LAMA2: variants seen among roughly 807,000 people sequenced by gnomAD.
LAMA2 encodes the protein laminin subunit alpha 2.
A neutral mutation model predicts 364.8 loss-of-function variants in LAMA2; 269 were observed. That is an observed-to-expected ratio of 0.74 (90% CI 0.67 to 0.82). The LOEUF (loss-of-function observed/expected upper bound fraction) is 0.82, where lower values mean the gene tolerates loss of function less well. Among genes scored for constraint, LAMA2 ranks in the 40% least tolerant of loss-of-function variants. The pLI is 0.00. For missense variants in LAMA2, 3,807 were observed against 3,873.2 expected, an observed-to-expected ratio of 0.98 and a Z score of 0.45; for synonymous variants, 1,379 against 1,370.6, an observed-to-expected ratio of 1.01 and a Z score of -0.14.
chr6:129,257,298 A>G (rs1786763328), intron 14 of LAMA2, among the ~76,000 whole-genome samples: 1 of 152,112 alleles, frequency 6.6e-6, no homozygotes, highest in African/African-American at 2.4e-5. Context: ...GCAGAACCTA[A>G]TGAACATTGG....
chr6:129,043,428 T>G (rs1370363525), intron 1 of LAMA2, among the ~76,000 whole-genome samples: 1 of 152,166 alleles, frequency 6.6e-6, no homozygotes, highest in Non-Finnish European at 1.5e-5. Context: ...TCACATGTAG[T>G]GGATTTTTTT....
At chr6:129,333,084 GT>G (rs1200588142) in intron 29 of LAMA2, among the ~76,000 whole-genome samples, 2 of 151,762 alleles carry the variant, frequency 1.3e-5, no homozygotes, top group Non-Finnish European at 2.9e-5. Context: ...TAGAGATGGG[GT>G]TTCACCATTT....
chr6:129,063,376 CTT>C (rs1293039871), intron 3 of LAMA2, among the ~76,000 whole-genome samples: 1 of 152,100 alleles, frequency 6.6e-6, no homozygotes, highest in Non-Finnish European at 1.5e-5. Context: ...CTATTTTAGT[CTT>C]TTTCCTACCA....
At chr6:129,478,415 C>CAGTT (rs1181175694) in intron 53 of LAMA2, among the ~76,000 whole-genome samples, 1 of 152,098 alleles carries the variant, frequency 6.6e-6, no homozygotes, top group Non-Finnish European at 1.5e-5. Context: ...AATAAGAAGT[C>CAGTT]AGTTAATTCC....
Position 129,253,695 on chromosome 6 carries a change from G to A in LAMA2, c.2096+1400G>A, listed in dbSNP as rs1444758166. ...ACCAAATTGACAAAAAAAGTGTCTG[G>A]GGGGCTTATATATTTTTGTCAGCAT... On this transcript the variant is annotated intron_variant, in intron 14 of 64. Transcript: ENST00000421865. 2.6e-5 allele frequency among the ~76,000 whole-genome samples: 4 copies of A among 152,156 alleles called. No homozygotes were observed. The East Asian group carries it at 7.7e-4, about 29-fold the overall frequency.
chr6:128,963,351 A>G (rs1004365105), intron 1 of LAMA2, among the ~76,000 whole-genome samples: 2 of 152,288 alleles, frequency 1.3e-5, no homozygotes. Context: ...GTGAAAATGT[A>G]TGTAGAAAAT....
At chr6:129,156,466 T>C (rs1033122411) in intron 8 of LAMA2, among the ~76,000 whole-genome samples, 2 of 152,004 alleles carry the variant, frequency 1.3e-5, no homozygotes, top group Non-Finnish European at 2.9e-5. Flanking sequence ...AATTATTTAA[T>C]GTAATTGTTA....
intron 40 of LAMA2, among the ~76,000 whole-genome samples, chr6:129,417,869 G>T (rs2114723813): frequency 6.6e-6 from 1 of 152,316 alleles, no homozygotes; most frequent in South Asian, 2.1e-4. Flanking sequence ...CAGCCTGGGT[G>T]CCGGGAACAG....
intron 3 of LAMA2, among the ~76,000 whole-genome samples, chr6:129,068,809 C>T (rs1442541703): frequency 6.6e-6 from 1 of 152,124 alleles, no homozygotes; most frequent in Admixed American, 6.6e-5. Context: ...TTTAACTCTT[C>T]TTTTGTAACA....
intron 1 of LAMA2, among the ~76,000 whole-genome samples, chr6:128,954,436 T>A (rs1252484371): frequency 2.0e-5 from 3 of 152,040 alleles, no homozygotes; most frequent in African/African-American, 7.2e-5. Context: ...ATTCTTTGTG[T>A]CTTAGGAAAA....
chr6:129,169,074 G>A (rs1211520332), intron 9 of LAMA2, among the ~76,000 whole-genome samples: 3 of 152,166 alleles, frequency 2.0e-5, no homozygotes, highest in East Asian at 3.9e-4. Context: ...GAGACAATGG[G>A]GTTTTCTAGA....
intron 1 of LAMA2, among the ~76,000 whole-genome samples, chr6:128,889,102 A>C (rs1202174278): frequency 6.6e-6 from 1 of 152,208 alleles, no homozygotes; most frequent in Non-Finnish European, 1.5e-5. Context: ...ATTTGTGTGC[A>C]GGGAACTTCC....
intron 15 of LAMA2, 59 bp downstream of exon 15, chr6:129,260,881 T>A (rs895437803): frequency 5.2e-6 from 5 of 966,254 alleles, no homozygotes; most frequent in African/African-American, 3.2e-5. Context: ...TTGCTTTCAA[T>A]AACCTATTCT....
chr6:129,223,297 G>A (rs1317166248), intron 12 of LAMA2, among the ~76,000 whole-genome samples: 2 of 152,054 alleles, frequency 1.3e-5, no homozygotes, highest in African/African-American at 4.8e-5. Context: ...TAGGTTGCCT[G>A]TTCACTCTGA....
intron 12 of LAMA2, among the ~76,000 whole-genome samples, chr6:129,209,106 T>C (rs1000039750): frequency 2.0e-5 from 3 of 152,204 alleles, no homozygotes; most frequent in Non-Finnish European, 4.4e-5. Context: ...AGCTCGTTTT[T>C]ACTCATACTG....
At chr6:129,396,297 C>T (rs12662729) in intron 37 of LAMA2, among the ~76,000 whole-genome samples, 31,711 of 152,034 alleles carry the variant, frequency 0.21, 3,322 homozygotes, top group South Asian at 0.28. Context: ...TCAGACATGT[C>T]AACCTTTCAC....
At chr6:128,971,661 A>G (rs1782195331) in intron 1 of LAMA2, among the ~76,000 whole-genome samples, 1 of 152,202 alleles carries the variant, frequency 6.6e-6, no homozygotes, top group African/African-American at 2.4e-5. Context: ...TATCTATGAG[A>G]TGGTAAGAAA....
rs760541670 is a variant in LAMA2 at position 129,328,300 on chromosome 6, G to A, written c.4199G>A (p.Arg1400Gln). The change falls in exon 29 of 65, where the codon CGA becomes CAA. Residue 1400 changes from arginine (R) to glutamine (Q), a missense_variant. Coordinates refer to ENST00000421865, the MANE Select transcript of LAMA2 (RefSeq NM_000426.4). ...CAGGCATGCTTGCCGGGATTTTATCGACTGCGTTCTCAACCAGGTGGCCGC... is the reference window on the plus strand; with the variant it reads ...CAGGCATGCTTGCCGGGATTTTATCAACTGCGTTCTCAACCAGGTGGCCGC... ...SCEACLPGFYRLRSQPGGRTP... is the reference protein window; with the variant it reads ...SCEACLPGFYQLRSQPGGRTP... 8.1e-6 allele frequency: 13 copies of A among 1,613,890 alleles called. No homozygotes were observed. Among genetic ancestry groups the A allele is most frequent in the African/African-American group, 4.0e-5 (3 of 74,882 alleles).
chr6:129,183,267 C>A (rs1781036573), intron 10 of LAMA2, among the ~76,000 whole-genome samples: 1 of 151,806 alleles, frequency 6.6e-6, no homozygotes, highest in South Asian at 2.1e-4. Flanking sequence ...GGCTCTTTTG[C>A]AGTTTGGTGT....
Sources: gnomAD v4.1 joint callset for allele counts (sites outside exome capture counted in the v4.1 genomes callset) on GRCh38, gnomAD v4.1.1 for gene constraint, MANE v1.5 for transcripts, NCBI Gene and HGNC (gene_info 2026-07-23, HGNC 2026-07-21) for gene names.